EML5: variants seen among roughly 807,000 people sequenced by gnomAD.
EML5 encodes echinoderm microtubule-associated protein-like 5.
EML5 carries 120 observed loss-of-function variants against 250.0 expected under a neutral mutation model. That is an observed-to-expected ratio of 0.48 (90% CI 0.41 to 0.56). The LOEUF is 0.56. Among genes scored for constraint, EML5 ranks in the 20% least tolerant of loss-of-function variants. The probability of loss-of-function intolerance (pLI) is 0.00; values close to 1 mark genes in which losing one functional copy is unlikely to be tolerated. For synonymous variants in EML5, 771 were observed against 806.5 expected (o/e 0.96, Z 0.75); for missense variants, 2,006 against 2,437.6 (o/e 0.82, Z 3.73).
chr14:88,787,955 G>A lies in EML5; in HGVS notation c.197+4352C>T, dbSNP rs189821510. 1.6e-3 allele frequency among the ~76,000 whole-genome samples: 244 copies of A among 152,270 alleles called. 2 individuals carry two copies. The highest frequency in any genetic ancestry group is 2.7e-3 in the Non-Finnish European group (181 of 68,028). On this transcript the variant is annotated intron_variant, in intron 1 of 43. Transcript: ENST00000554922. ...GTGTTTCCCAAACAGAATAATCTGA[G>A]GCACTTTTTAAAAAATAGATTCCTG...
chr14:88,657,546 A>C (rs1292805403), intron 26 of EML5, 44 bp from the exon 27 acceptor site: 1 of 1,498,740 alleles, frequency 6.7e-7, no homozygotes, highest in Admixed American at 2.2e-5. Flanking sequence ...AATAACTGAG[A>C]TCAATTATGA....
At chr14:88,777,014 G>C (rs143585249) in intron 1 of EML5, among the ~76,000 whole-genome samples, 97 of 152,226 alleles carry the variant, frequency 6.4e-4, no homozygotes, top group South Asian at 1.9e-3. Context: ...GAGTAGAAAG[G>C]TTATTCAAAG....
In EML5 at chr14:88,772,282, CT is replaced by C. The variant is rs531027068; in HGVS notation, c.198-17612del. 2.0e-5 allele frequency among the ~76,000 whole-genome samples: 3 copies of C among 152,322 alleles called. No homozygotes were observed. The South Asian group carries it at 6.2e-4, about 32-fold the overall frequency. On this transcript the variant is annotated intron_variant, in intron 1 of 43. Transcript: ENST00000554922. ...CTTACATCACAACTACTTCGGTAGC[CT>C]TCTGTCTACCTACCATTATTCCTCT...
intron 1 of EML5, among the ~76,000 whole-genome samples, chr14:88,784,321 A>G (rs946619880): frequency 1.3e-5 from 2 of 152,144 alleles, no homozygotes; most frequent in Non-Finnish European, 2.9e-5. Flanking sequence ...TTGACATTTT[A>G]AAAAACCAAT....
chr14:88,726,448 G>A, intron 8 of EML5, 93 bp downstream of exon 8: 8 of 1,051,600 alleles, frequency 7.6e-6, no homozygotes, highest in Non-Finnish European at 1.0e-5. Context: ...AAAACAACAA[G>A]TATTATATAT....
chr14:88,690,440 G>GTGGTTACA (rs1315353790), intron 17 of EML5, among the ~76,000 whole-genome samples: 4 of 152,220 alleles, frequency 2.6e-5, no homozygotes, highest in Non-Finnish European at 5.9e-5. Context: ...ATGACGAAAA[G>GTGGTTACA]TGGTTAGATT....
intron 1 of EML5, among the ~76,000 whole-genome samples, chr14:88,787,249 G>A (rs1053765762): frequency 1.3e-5 from 2 of 152,072 alleles, no homozygotes; most frequent in Admixed American, 6.6e-5. Context: ...CATATCACAG[G>A]TACATTAGTG....
intron 20 of EML5, among the ~76,000 whole-genome samples, chr14:88,683,262 G>T (rs1034970033): frequency 6.7e-6 from 1 of 150,068 alleles, no homozygotes; most frequent in Non-Finnish European, 1.5e-5. Flanking sequence ...CGCAGAGATA[G>T]CTGGGAGGAG....
intron 24 of EML5, 35 bp downstream of exon 24, chr14:88,662,996 C>T (rs1212066526): frequency 6.7e-7 from 1 of 1,485,104 alleles, no homozygotes; most frequent in Non-Finnish European, 9.1e-7. Flanking sequence ...CTTTTATTCA[C>T]ATGAACAACA....
rs900365077 is a variant in EML5 at position 88,644,369 on chromosome 14, G to A, written c.4107+64C>T. 1.1e-4 allele frequency: 156 copies of A among 1,435,928 alleles called. 1 individual carries two copies. The highest frequency in any genetic ancestry group is 1.8e-4 in the Middle Eastern group (1 of 5,600). 88.9% of individuals were successfully genotyped at this position (1,435,928 alleles called of 1,614,324 possible). A position where few individuals can be genotyped will look rare whatever the true frequency, so the allele number is the denominator to read the frequency against. On this transcript the variant is annotated intron_variant, in intron 30 of 43. Transcript: ENST00000554922. ...TTCATGAAAACTAATGACAAAACTT[G>A]GGTGTTTTATAAAAAAGAACTCTGG...
At chr14:88,723,187 A>G (rs1353772801) in intron 8 of EML5, among the ~76,000 whole-genome samples, 1 of 152,130 alleles carries the variant, frequency 6.6e-6, no homozygotes, top group Non-Finnish European at 1.5e-5. Context: ...CTGAGGCAGG[A>G]GGATTGCTTG....
intron 8 of EML5, among the ~76,000 whole-genome samples, chr14:88,723,711 A>G (rs1486142573): frequency 2.6e-5 from 4 of 152,208 alleles, no homozygotes; most frequent in African/African-American, 9.6e-5. Flanking sequence ...TACGTCGTAA[A>G]TATATACAGT....
At chr14:88,701,661 CA>C (rs2093212165) in intron 14 of EML5, among the ~76,000 whole-genome samples, 1 of 152,074 alleles carries the variant, frequency 6.6e-6, no homozygotes, top group Non-Finnish European at 1.5e-5. Context: ...TAGGAGGATG[CA>C]AGTTGATCCC....
chr14:88,770,082 C>T (rs1300702938), intron 1 of EML5, among the ~76,000 whole-genome samples: 5 of 151,730 alleles, frequency 3.3e-5, no homozygotes, highest in African/African-American at 7.3e-5. Flanking sequence ...GAGGAAAGAG[C>T]GCTTGTGAAA....
At chr14:88,773,625 A>G (rs2094417193) in intron 1 of EML5, among the ~76,000 whole-genome samples, 2 of 152,220 alleles carry the variant, frequency 1.3e-5, no homozygotes, top group African/African-American at 4.8e-5. Context: ...TTAAAAACAG[A>G]AACAAACAAC....
At chr14:88,662,871 C>T (rs1479034583) in intron 24 of EML5, among the ~76,000 whole-genome samples, 160 bp downstream of exon 24, 1 of 152,058 alleles carries the variant, frequency 6.6e-6, no homozygotes, top group Non-Finnish European at 1.5e-5. Flanking sequence ...AGTGTTTCTT[C>T]CTTCACCCAT....
intron 1 of EML5, among the ~76,000 whole-genome samples, chr14:88,764,800 A>T (rs1885420461): frequency 6.6e-6 from 1 of 152,116 alleles, no homozygotes; most frequent in South Asian, 2.1e-4. Flanking sequence ...TCATTTTCAT[A>T]ATATATTCTA....
intron 1 of EML5, among the ~76,000 whole-genome samples, chr14:88,783,820 A>G (rs1441740675): frequency 6.6e-6 from 1 of 152,222 alleles, no homozygotes; most frequent in African/African-American, 2.4e-5. Context: ...GATCTAATAG[A>G]TATTTGCAGA....
intron 2 of EML5, among the ~76,000 whole-genome samples, chr14:88,748,074 T>A (rs2140316710): frequency 6.6e-6 from 1 of 152,188 alleles, no homozygotes; most frequent in South Asian, 2.1e-4. Flanking sequence ...AAAGGTGGAA[T>A]CCAAATAGAG....
Sources: gnomAD v4.1 joint callset for allele counts (sites outside exome capture counted in the v4.1 genomes callset) on GRCh38, gnomAD v4.1.1 for gene constraint, MANE v1.5 for transcripts, NCBI Gene and HGNC (gene_info 2026-07-23, HGNC 2026-07-21) for gene names.